Variants in ARSL observed in about 807,000 individuals in gnomAD.
ARSL encodes arylsulfatase L, also known as arylsulfatase E (chondrodysplasia punctata 1).
ARSL carries 4 observed loss-of-function variants against 31.1 expected under a neutral mutation model. The observed-to-expected ratio is 0.13, with a 90% CI of 0.06 to 0.29. ARSL has a LOEUF of 0.29. ARSL is among the 10% of genes least tolerant of loss of function. ARSL has a pLI of 1.00. For missense variants in ARSL, 312 were observed against 497.8 expected (o/e 0.63, Z 3.55); for synonymous variants, 198 against 209.9 (o/e 0.94, Z 0.49).
intron 6 of ARSL, among the ~76,000 whole-genome samples, chrX:2,947,240 C>A (rs2089398385): frequency 9.0e-6 from 1 of 111,146 alleles, no homozygotes; most frequent in Non-Finnish European, 1.9e-5. Context: ...TCTTTTCCCC[C>A]CCGAATATTA....
At chrX:2,940,351 G>A (rs751737944) in intron 8 of ARSL, among the ~76,000 whole-genome samples, 4 of 110,771 alleles carry the variant, frequency 3.6e-5, no homozygotes, top group Middle Eastern at 4.6e-3. Context: ...AATGTCTAGA[G>A]TAGGAAAATA....
chrX:2,960,085 C>A (rs1441457933), intron 2 of ARSL, among the ~76,000 whole-genome samples: 4 of 101,136 alleles, frequency 4.0e-5, no homozygotes, highest in Non-Finnish European at 6.1e-5. Context: ...CTGGCTAACA[C>A]GGTGAAACCC....
rs778482187 is a variant in ARSL at position 2,944,173 on chromosome X, C to T, written c.992-974G>A. Reference sequence around the variant, plus strand: ...AGCCTGGGTAAGAGTGAGACCCTGTCGGCCAGGCGCAGTGGCTCATCCCTG... The same window carrying T: ...AGCCTGGGTAAGAGTGAGACCCTGTTGGCCAGGCGCAGTGGCTCATCCCTG... On this transcript the variant is annotated intron_variant, in intron 7 of 10. Transcript: ENST00000381134. Among the ~76,000 whole-genome samples, 4 of 108,395 alleles carry T rather than the reference C, an allele frequency of 3.7e-5. No homozygotes were observed. The South Asian group carries it at 1.2e-3, about 33-fold the overall frequency. The allele number at this position is 108,395 out of a possible 115,157, so 94.1% of individuals were successfully genotyped here.
At chrX:2,954,207 T>G (rs937622973) in intron 4 of ARSL, among the ~76,000 whole-genome samples, 2 of 111,360 alleles carry the variant, frequency 1.8e-5, no homozygotes, top group African/African-American at 6.5e-5. Context: ...ATCCTCTGGA[T>G]GATTCTAACG....
intron 8 of ARSL, among the ~76,000 whole-genome samples, 182 bp from the exon 9 acceptor site, chrX:2,938,439 C>T (rs930038332): frequency 8.9e-5 from 10 of 111,784 alleles, no homozygotes; most frequent in African/African-American, 3.2e-4. Flanking sequence ...ATGTAGTTCC[C>T]CTGTAGAGGT....
At chrX:2,965,358 A>G (rs1348580231), upstream of ARSL, among the ~76,000 whole-genome samples, 4 of 107,763 alleles carry the variant, frequency 3.7e-5, no homozygotes. Context: ...AAAATTAGCC[A>G]GGCATGGTGT....
intron 7 of ARSL, among the ~76,000 whole-genome samples, chrX:2,944,222 G>C (rs1029182733): frequency 7.3e-5 from 8 of 109,145 alleles, no homozygotes; most frequent in Non-Finnish European, 1.5e-4. Flanking sequence ...TTGGGAGGCT[G>C]AGGCGGGCGG....
intron 3 of ARSL, among the ~76,000 whole-genome samples, chrX:2,956,762 C>G (rs1416456871): frequency 9.2e-6 from 1 of 109,225 alleles, no homozygotes; most frequent in Admixed American, 9.8e-5. Context: ...CCACGGCCAG[C>G]CTACTTTTTG....
chrX:2,964,628 GTT>G, upstream of ARSL: 1 of 191,313 alleles, frequency 5.2e-6, no homozygotes, highest in Non-Finnish European at 8.0e-6. Flanking sequence ...GTGTCCTTAG[GTT>G]TTTAAGTGAT....
Position 2,959,499 on chromosome X carries a change from A to G in ARSL, c.23+879T>C. 4.0e-6 allele frequency: 4 copies of G among 1,001,659 alleles called. No individual in the cohort carries two copies. The South Asian group carries it at 7.7e-5, about 19-fold the overall frequency. 82.5% of individuals were successfully genotyped at this position (1,001,659 alleles called of 1,213,427 possible). A position where few individuals can be genotyped will look rare whatever the true frequency, so the allele number is the denominator to read the frequency against. On this transcript the variant is annotated intron_variant, in intron 2 of 10. Coordinates refer to ENST00000381134, the MANE Select transcript of ARSL (RefSeq NM_000047.3). ...CCATAGTGTCCCAATCCCCAGTGGG[A>G]TGCAGTAAAGATGTAATCTGAGTCT... is the stretch of plus-strand genomic sequence containing the variant.
At chrX:2,943,374 T>A (rs905852876) in intron 7 of ARSL, among the ~76,000 whole-genome samples, 175 bp from the exon 8 acceptor site, 4 of 111,633 alleles carry the variant, frequency 3.6e-5, no homozygotes, top group Non-Finnish European at 7.5e-5. Flanking sequence ...GATTGATGTA[T>A]GACTTTATAT....
intron 8 of ARSL, among the ~76,000 whole-genome samples, chrX:2,942,525 C>T (rs1445430860): frequency 2.7e-5 from 3 of 111,327 alleles, no homozygotes; most frequent in African/African-American, 9.8e-5. Context: ...TTCCTGACTT[C>T]AGGTGATCCA....
chrX:2,934,792 A>G lies in ARSL; in HGVS notation c.*40T>C, dbSNP rs200675470. 3.3e-4 allele frequency: 377 copies of G among 1,159,780 alleles called. 2 individuals carry two copies. The highest frequency in any genetic ancestry group is 9.4e-5 in the Non-Finnish European group (81 of 858,890). ...CTGGTTTGTTTCAATTTGAGTGACA[A>G]AATTTAGGAATCGGGGCTCCAGCTT... On this transcript the variant is annotated 3_prime_UTR_variant, in exon 11 of 11. Transcript: ENST00000381134.
At chrX:2,937,094 G>A (rs1282348645) in intron 9 of ARSL, among the ~76,000 whole-genome samples, 1 of 112,194 alleles carries the variant, frequency 8.9e-6, no homozygotes, top group Non-Finnish European at 1.9e-5. Context: ...GTCACCTTTG[G>A]CTAAAAAGTA....
intron 8 of ARSL, among the ~76,000 whole-genome samples, 190 bp from the exon 9 acceptor site, chrX:2,938,447 G>A (rs1475289375): frequency 1.8e-5 from 2 of 111,770 alleles, no homozygotes; most frequent in African/African-American, 6.5e-5. Context: ...CCCCTGTAGA[G>A]GTTTGATTTT....
intron 1 of ARSL, among the ~76,000 whole-genome samples, chrX:2,963,285 G>A (rs1303953855): frequency 9.0e-6 from 1 of 111,326 alleles, no homozygotes; most frequent in Non-Finnish European, 1.9e-5. Flanking sequence ...ATTTAAAATT[G>A]TACATGGAGA....
intron 2 of ARSL, among the ~76,000 whole-genome samples, chrX:2,958,989 C>T (rs2089564912): frequency 8.9e-6 from 1 of 111,977 alleles, no homozygotes; most frequent in Non-Finnish European, 1.9e-5. Context: ...ACTACAACAG[C>T]AACAAGAAAA....
At chrX:2,948,901 T>C (rs1014227434) in intron 6 of ARSL, among the ~76,000 whole-genome samples, 1 of 111,249 alleles carries the variant, frequency 9.0e-6, no homozygotes, top group Non-Finnish European at 1.9e-5. Flanking sequence ...GGCTATCCCA[T>C]TCTTCAAACG....
At chrX:2,941,274 AG>A (rs1328208281) in intron 8 of ARSL, among the ~76,000 whole-genome samples, 2 of 53,713 alleles carry the variant, frequency 3.7e-5, no homozygotes, top group African/African-American at 1.7e-4. Flanking sequence ...TTTTTTTTTG[AG>A]ATGGAGTTTC....
Sources: allele counts gnomAD v4.1 joint callset (sites outside exome capture counted in the v4.1 genomes callset), GRCh38; gene constraint gnomAD v4.1.1; transcripts MANE v1.5; gene names NCBI Gene and HGNC (gene_info 2026-07-23, HGNC 2026-07-21).